CDCA7L: variants seen among roughly 807,000 people sequenced by gnomAD.
CDCA7L encodes cell division cycle associated 7 like.
Under a neutral mutation model 57.4 loss-of-function variants are expected in CDCA7L, and 44 were observed. The ratio of observed to expected loss-of-function variants is 0.77; its 90% CI spans 0.60 to 0.98. The LOEUF (loss-of-function observed/expected upper bound fraction) is 0.98. CDCA7L is among the 50% of genes least tolerant of loss of function. The pLI is 0.00. For synonymous variants in CDCA7L, 236 were observed against 202.8 expected, an observed-to-expected ratio of 1.16 and a Z score of -1.39; for missense variants, 644 against 580.6, an observed-to-expected ratio of 1.11 and a Z score of -1.12.
chr7:21,927,315 G>C (rs1361240372), intron 1 of CDCA7L, among the ~76,000 whole-genome samples: 1 of 152,038 alleles, frequency 6.6e-6, no homozygotes, highest in Non-Finnish European at 1.5e-5. Flanking sequence ...TATTAACAAA[G>C]AGAAATGAAG....
chr7:21,913,038 C>T (rs902142526), intron 2 of CDCA7L, among the ~76,000 whole-genome samples: 3 of 152,082 alleles, frequency 2.0e-5, no homozygotes, highest in African/African-American at 7.2e-5. Context: ...CTCTTCCCCC[C>T]ATCTCTGATA....
chr7:21,903,241 T>C, intron 8 of CDCA7L, 127 bp from the exon 9 acceptor site: 1 of 868,772 alleles, frequency 1.2e-6, no homozygotes, highest in Non-Finnish European at 1.7e-6. Flanking sequence ...TCTTTCAGTC[T>C]ACGTCCCAGG....
chr7:21,906,549 T>C lies in CDCA7L; in HGVS notation c.753+19A>G, dbSNP rs768767328. The C allele has an allele frequency of 4.3e-6, 7 of 1,613,722 alleles. No individual in the cohort carries two copies. The East Asian group carries it at 1.1e-4, about 26-fold the overall frequency. The stretch of plus-strand genomic sequence containing the variant: ...CACCATATATCAGTATTGGTATAAT[T>C]ATAAGGAGTTCTACTTACAGAAGCT... On this transcript the variant is annotated intron_variant, in intron 5 of 9. Coordinates refer to ENST00000406877, the MANE Select transcript of CDCA7L (RefSeq NM_018719.5).
intron 3 of CDCA7L, among the ~76,000 whole-genome samples, chr7:21,910,797 C>T (rs541552632): frequency 6.6e-6 from 1 of 152,236 alleles, no homozygotes; most frequent in African/African-American, 2.4e-5. Context: ...AGAATCCAGG[C>T]AGGCCTGGGT....
intron 5 of CDCA7L, 28 bp downstream of exon 5, chr7:21,906,540 T>A (rs372703469): frequency 6.2e-7 from 1 of 1,613,820 alleles, no homozygotes. Context: ...ATATCAGTAT[T>A]GGTATAATTA....
intron 7 of CDCA7L, 29 bp from the exon 8 acceptor site, chr7:21,904,288 A>G: frequency 6.4e-7 from 1 of 1,568,498 alleles, no homozygotes; most frequent in African/African-American, 1.4e-5. Context: ...GAGCAGGTGA[A>G]CACAGGGATA....
At chr7:21,904,573 C>T (rs375024466) in intron 7 of CDCA7L, among the ~76,000 whole-genome samples, 4 of 152,274 alleles carry the variant, frequency 2.6e-5, no homozygotes, top group South Asian at 4.2e-4. Context: ...GAGCACAAAC[C>T]CTCTATTGTG....
intron 1 of CDCA7L, among the ~76,000 whole-genome samples, chr7:21,941,228 A>G (rs1786330626): frequency 6.6e-6 from 1 of 152,224 alleles, no homozygotes; most frequent in Admixed American, 6.5e-5. Flanking sequence ...TATTTTTTCA[A>G]CAGAAAATAC....
At chr7:21,913,391 G>C (rs1006040290) in intron 2 of CDCA7L, among the ~76,000 whole-genome samples, 4 of 151,908 alleles carry the variant, frequency 2.6e-5, no homozygotes, top group African/African-American at 9.7e-5. Context: ...TTCAAATCGT[G>C]TTTAAGGGAG....
chr7:21,901,898 G>C lies in CDCA7L; in HGVS notation c.*424C>G, dbSNP rs1316854075. On this transcript the variant is annotated 3_prime_UTR_variant, in exon 10 of 10. Coordinates refer to ENST00000406877, the MANE Select transcript of CDCA7L (RefSeq NM_018719.5). ...AAGAGCAGGTTAAACGATGTGTGTG[G>C]TCTATTAAACTGTGGTCACTCGTGC... The C allele has an allele frequency of 5.1e-6, 1 of 196,850 alleles. No homozygotes were observed. The highest frequency in any genetic ancestry group is 1.1e-5 in the Non-Finnish European group (1 of 94,934). 12.2% of individuals were successfully genotyped at this position (196,850 alleles called of 1,614,324 possible).
In CDCA7L at chr7:21,905,687, TATAA is replaced by T. The variant is rs1785117415; in HGVS notation, c.922-60_922-57del. ...ATGTGTTGAGCAGTTATAAAAAAAT[TATAA>T]ATATTTTAAACTCTCAAAGATCTAG... On this transcript the variant is annotated intron_variant, in intron 6 of 9. Coordinates refer to ENST00000406877, the MANE Select transcript of CDCA7L (RefSeq NM_018719.5). The T allele has an allele frequency of 1.1e-5, 17 of 1,556,038 alleles. No individual in the cohort carries two copies. The South Asian group carries it at 1.5e-4, about 13-fold the overall frequency.
At chr7:21,943,435 ACTGAG>A (rs1308957417) in intron 1 of CDCA7L, among the ~76,000 whole-genome samples, 1 of 152,254 alleles carries the variant, frequency 6.6e-6, no homozygotes, top group African/African-American at 2.4e-5. Context: ...CCCACTGCAC[ACTGAG>A]CTGAGCGACA....
At chr7:21,906,156 A>G in intron 6 of CDCA7L, 133 bp downstream of exon 6, 1 of 793,540 alleles carries the variant, frequency 1.3e-6, no homozygotes, top group Non-Finnish European at 2.0e-6. Flanking sequence ...TGGGAAGCAG[A>G]GAGAAATGCA....
At chr7:21,941,696 C>A (rs535991504) in intron 1 of CDCA7L, among the ~76,000 whole-genome samples, 6 of 152,140 alleles carry the variant, frequency 3.9e-5, no homozygotes, top group Non-Finnish European at 1.5e-5. Flanking sequence ...CACCAAGGCC[C>A]GGTGATTCCA....
intron 1 of CDCA7L, among the ~76,000 whole-genome samples, chr7:21,936,756 T>C (rs184503248): frequency 6.6e-6 from 1 of 152,310 alleles, no homozygotes; most frequent in African/African-American, 2.4e-5. Context: ...GATCAGGAGC[T>C]AGACAAATAT....
intron 9 of CDCA7L, 163 bp downstream of exon 9, chr7:21,902,815 G>A: frequency 1.6e-6 from 1 of 643,806 alleles, no homozygotes; most frequent in East Asian, 2.8e-5. Flanking sequence ...GAAAATATCA[G>A]GCCTGAGCTT....
At chr7:21,907,862 G>C (rs1013758146) in intron 4 of CDCA7L, among the ~76,000 whole-genome samples, 13 of 152,132 alleles carry the variant, frequency 8.5e-5, no homozygotes, top group African/African-American at 2.9e-4. Flanking sequence ...TTAGAACTTA[G>C]CTTGGTCAAC....
chr7:21,912,799 G>A (rs1785373186), intron 2 of CDCA7L, among the ~76,000 whole-genome samples: 3 of 152,170 alleles, frequency 2.0e-5, no homozygotes, highest in African/African-American at 4.8e-5. Flanking sequence ...ATGGCTAGGT[G>A]GCAAGTGAGC....
chr7:21,905,766 A>AT, intron 6 of CDCA7L, 135 bp from the exon 7 acceptor site: 1 of 1,003,508 alleles, frequency 1.0e-6, no homozygotes, highest in Non-Finnish European at 1.4e-6. Context: ...CAGCCATTTC[A>AT]TTTAGTTATT....
Sources: gnomAD v4.1 joint callset for allele counts (sites outside exome capture counted in the v4.1 genomes callset) on GRCh38, gnomAD v4.1.1 for gene constraint, MANE v1.5 for transcripts, NCBI Gene and HGNC (gene_info 2026-07-23, HGNC 2026-07-21) for gene names.